NCKAP5: variants seen among roughly 807,000 people sequenced by gnomAD.
The protein encoded by NCKAP5 is NCK associated protein 5.
NCKAP5 carries 92 observed loss-of-function variants against 167.0 expected under a neutral mutation model. That is an observed-to-expected ratio of 0.55 (90% CI 0.47 to 0.66). The LOEUF (loss-of-function observed/expected upper bound fraction) is 0.66, where lower values mean the gene tolerates loss of function less well. Ranked by LOEUF, NCKAP5 falls within the 30% of genes least tolerant of loss-of-function variation. The pLI is 0.00. For synonymous variants in NCKAP5, 891 were observed against 877.4 expected (o/e 1.02, Z -0.27); for missense variants, 2,378 against 2,315.0 (o/e 1.03, Z -0.56).
intron 4 of NCKAP5, among the ~76,000 whole-genome samples, chr2:133,299,881 G>T (rs542274613): frequency 7.4e-4 from 111 of 149,896 alleles, no homozygotes; most frequent in Non-Finnish European, 1.6e-3. Flanking sequence ...TTCATAGACC[G>T]CTAGCAAGAC....
chr2:133,557,794 TG>T (rs1268911341), intron 2 of NCKAP5, among the ~76,000 whole-genome samples: 1 of 152,194 alleles, frequency 6.6e-6, no homozygotes, highest in East Asian at 1.9e-4. Flanking sequence ...CTCGGCACTT[TG>T]GGAAAACAGG....
chr2:133,120,290 T>A (rs1211535086), intron 6 of NCKAP5, among the ~76,000 whole-genome samples: 1 of 152,228 alleles, frequency 6.6e-6, no homozygotes, highest in Admixed American at 6.5e-5. Flanking sequence ...TTGAGGCTGT[T>A]TGTTAGCAAC....
intron 6 of NCKAP5, among the ~76,000 whole-genome samples, chr2:133,014,552 T>C (rs1355907552): frequency 6.6e-6 from 1 of 152,226 alleles, no homozygotes; most frequent in Non-Finnish European, 1.5e-5. Context: ...AGTTGAATTA[T>C]ACTGTCTATG....
chr2:132,674,417 G>A (rs1214855263), intron 19 of NCKAP5, among the ~76,000 whole-genome samples: 1 of 152,180 alleles, frequency 6.6e-6, no homozygotes, highest in East Asian at 1.9e-4. Context: ...CTGTCTGGCT[G>A]CCTTCCATGC....
intron 1 of NCKAP5, among the ~76,000 whole-genome samples, chr2:133,559,667 G>A (rs185445968): frequency 6.6e-6 from 1 of 152,200 alleles, no homozygotes; most frequent in East Asian, 1.9e-4. Context: ...TGCCTGACAA[G>A]GTTAAATAAC....
intron 12 of NCKAP5, among the ~76,000 whole-genome samples, 177 bp from the exon 13 acceptor site, chr2:132,790,382 G>A (rs980958415): frequency 1.3e-5 from 2 of 152,034 alleles, no homozygotes; most frequent in Non-Finnish European, 2.9e-5. Flanking sequence ...TACACCTAAC[G>A]CACAGAACAT....
chr2:133,590,139 C>T, the NCKAP5 span, among the ~76,000 whole-genome samples: 1 of 152,118 alleles, frequency 6.6e-6, no homozygotes, highest in Non-Finnish European at 1.5e-5. Flanking sequence ...GCTGGACCTG[C>T]CTAACGAGTC....
At chr2:132,948,393 G>A (rs1463542473) in intron 8 of NCKAP5, among the ~76,000 whole-genome samples, 1 of 152,144 alleles carries the variant, frequency 6.6e-6, no homozygotes, top group African/African-American at 2.4e-5. Context: ...AGTTAAAAGG[G>A]ACTGTTGCCT....
intron 6 of NCKAP5, among the ~76,000 whole-genome samples, chr2:133,044,134 A>T (rs556590276): frequency 6.6e-6 from 1 of 152,298 alleles, no homozygotes; most frequent in African/African-American, 2.4e-5. Context: ...TCACAAATAT[A>T]TAAAAAGTTC....
At chr2:133,597,320 C>T in the NCKAP5 span, among the ~76,000 whole-genome samples, 7 of 152,186 alleles carry the variant, frequency 4.6e-5, no homozygotes, top group Admixed American at 2.6e-4. Flanking sequence ...TGTAGTTTCA[C>T]AAGCCCTGCA....
intron 1 of NCKAP5, among the ~76,000 whole-genome samples, chr2:133,565,063 C>A (rs569765206): frequency 6.6e-6 from 1 of 152,170 alleles, no homozygotes; most frequent in East Asian, 1.9e-4. Context: ...AAAAGCTGCT[C>A]ACAGGACAGG....
At chr2:133,092,494 G>C (rs1424248503) in intron 6 of NCKAP5, among the ~76,000 whole-genome samples, 2 of 152,184 alleles carry the variant, frequency 1.3e-5, no homozygotes, top group Admixed American at 1.3e-4. Flanking sequence ...TATTTCTGAT[G>C]TCTTAAGGCA....
At chr2:133,647,715 A>AGAAAGGAT in the NCKAP5 span, among the ~76,000 whole-genome samples, 1 of 130,220 alleles carries the variant, frequency 7.7e-6, no homozygotes, top group African/African-American at 2.9e-5. Context: ...AGAAAAAGAA[A>AGAAAGGAT]GGAAGGAAGG....
In NCKAP5 at chr2:132,781,159, C is replaced by A. The variant is rs1682999629; in HGVS notation, c.4942G>T (p.Gly1648Cys). The A allele has an allele frequency of 6.2e-7, 1 of 1,613,724 alleles. No homozygotes were observed. Among genetic ancestry groups the A allele is most frequent in the Non-Finnish European group, 8.5e-7 (1 of 1,179,854 alleles). The change falls in exon 15 of 20, where the codon GGC becomes TGC. Residue 1648 changes from glycine (G) to cysteine (C), a missense_variant. Gly to Cys is a radical substitution (Grantham distance 159, BLOSUM62 -3). Coordinates refer to ENST00000409261, the MANE Select transcript of NCKAP5 (RefSeq NM_207363.3). ...ATGAGACAGGAGCCCTGAGAACTGC[C>A]CTTTAACACATTCCTGCAGGAAGCA... is the stretch of plus-strand genomic sequence containing the variant. The part of the protein sequence containing the change: ...SNASCRNVLK[G>C]SSQGSCLIGS...
chr2:133,294,114 A>C lies in NCKAP5; in HGVS notation c.143+8923T>G, dbSNP rs186561662. On this transcript the variant is annotated intron_variant, in intron 4 of 19. Coordinates refer to ENST00000409261, the MANE Select transcript of NCKAP5 (RefSeq NM_207363.3). ...TGAGCTCTCTCTTTGTTTGCTACAC[A>C]TTCTCTCCCCAAGAGACAGCCTCTT... Among the ~76,000 whole-genome samples, 8 of 152,322 alleles carry C rather than the reference A, an allele frequency of 5.3e-5. No homozygotes were observed. The East Asian group carries it at 1.5e-3, about 29-fold the overall frequency.
At chr2:132,988,779 T>C (rs530755980) in intron 7 of NCKAP5, among the ~76,000 whole-genome samples, 1 of 152,348 alleles carries the variant, frequency 6.6e-6, no homozygotes, top group African/African-American at 2.4e-5. Context: ...TTTATTTCTT[T>C]ATCAAAAGTG....
chr2:133,017,369 G>C (rs529307422), intron 6 of NCKAP5, among the ~76,000 whole-genome samples: 1 of 152,148 alleles, frequency 6.6e-6, no homozygotes, highest in African/African-American at 2.4e-5. Flanking sequence ...CAGGGTCAGG[G>C]TTTAGAAGTA....
At chr2:133,143,007 C>T (rs2083056041) in intron 5 of NCKAP5, among the ~76,000 whole-genome samples, 1 of 152,046 alleles carries the variant, frequency 6.6e-6, no homozygotes, top group Non-Finnish European at 1.5e-5. Flanking sequence ...GACCATAAAA[C>T]ATTTTCATCC....
At chr2:133,506,521 G>A (rs886829280) in intron 3 of NCKAP5, among the ~76,000 whole-genome samples, 2 of 152,190 alleles carry the variant, frequency 1.3e-5, no homozygotes, top group East Asian at 1.9e-4. Flanking sequence ...GGACAAGACA[G>A]TGTGAGGAGA....
Sources: allele counts gnomAD v4.1 joint callset (sites outside exome capture counted in the v4.1 genomes callset), GRCh38; gene constraint gnomAD v4.1.1; transcripts MANE v1.5; gene names NCBI Gene and HGNC (gene_info 2026-07-23, HGNC 2026-07-21).